The following CERKL variants were observed in gnomAD, a reference collection of about 807,000 sequenced individuals.
CERKL encodes the protein ceramide kinase-like protein.
In CERKL, 61 loss-of-function variants were observed where a neutral mutation model predicts 63.4. That is an observed-to-expected ratio of 0.96 (90% CI 0.78 to 1.19). The LOEUF (loss-of-function observed/expected upper bound fraction) is 1.19. Among genes scored for constraint, CERKL ranks in the 50% most tolerant of loss-of-function variants. The pLI is 0.00. For synonymous variants in CERKL, 250 were observed against 230.5 expected (o/e 1.08, Z -0.77); for missense variants, 675 against 655.5 (o/e 1.03, Z -0.33).
intron 2 of CERKL, 88 bp downstream of exon 2, chr2:181,603,749 A>G: frequency 3.0e-6 from 4 of 1,319,192 alleles, no homozygotes; most frequent in Middle Eastern, 1.8e-4. Flanking sequence ...CAACATCACT[A>G]AAGTTGTTTT....
intron 8 of CERKL, chr2:181,548,333 G>T: frequency 1.7e-6 from 1 of 584,714 alleles, no homozygotes; most frequent in Non-Finnish European, 3.0e-6. Context: ...GAGAGACAGG[G>T]GGAAGGAAGG....
intron 2 of CERKL, among the ~76,000 whole-genome samples, chr2:181,596,458 AAGGGTAG>A (rs1415630894): frequency 2.0e-5 from 3 of 152,130 alleles, no homozygotes; most frequent in Admixed American, 6.6e-5. Context: ...TTTTAGCTGA[AAGGGTAG>A]AGGTTATGAG....
chr2:181,597,046 G>C (rs1574483479), intron 2 of CERKL, among the ~76,000 whole-genome samples: 1 of 152,060 alleles, frequency 6.6e-6, no homozygotes, highest in East Asian at 1.9e-4. Context: ...GCTTTATTAT[G>C]TGGAGGTCTT....
chr2:181,585,016 G>A (rs1305609195), intron 2 of CERKL, among the ~76,000 whole-genome samples: 3 of 150,928 alleles, frequency 2.0e-5, no homozygotes, highest in Non-Finnish European at 2.9e-5. Context: ...TTCATATATC[G>A]ATATGGCTCT....
intron 11 of CERKL, among the ~76,000 whole-genome samples, chr2:181,541,334 G>A (rs1687494757): frequency 6.6e-6 from 1 of 152,296 alleles, no homozygotes; most frequent in South Asian, 2.1e-4. Flanking sequence ...ACATTGTCTT[G>A]CAGCTCTAGC....
chr2:181,575,035 C>T (rs939633327), intron 2 of CERKL, among the ~76,000 whole-genome samples: 2 of 152,282 alleles, frequency 1.3e-5, no homozygotes, highest in East Asian at 1.9e-4. Flanking sequence ...ACCTCAAAAC[C>T]GTGCTCAATG....
intron 1 of CERKL, among the ~76,000 whole-genome samples, chr2:181,625,274 G>A (rs1025769549): frequency 1.3e-5 from 2 of 152,066 alleles, no homozygotes; most frequent in Non-Finnish European, 2.9e-5. Context: ...TAGAGTGACA[G>A]GGGTCAAGTC....
intron 1 of CERKL, among the ~76,000 whole-genome samples, chr2:181,633,539 G>T (rs899359470): frequency 2.0e-4 from 30 of 152,292 alleles, no homozygotes; most frequent in African/African-American, 6.5e-4. Flanking sequence ...TGGAAAGGTA[G>T]TTTTGTTTGT....
chr2:181,638,431 C>A (rs563403066), intron 1 of CERKL, among the ~76,000 whole-genome samples: 1 of 152,190 alleles, frequency 6.6e-6, no homozygotes, highest in South Asian at 2.1e-4. Flanking sequence ...ACTCAGAAGT[C>A]AAGATGAAGG....
chr2:181,606,836 A>T (rs1685740308), intron 1 of CERKL, among the ~76,000 whole-genome samples: 1 of 152,136 alleles, frequency 6.6e-6, no homozygotes, highest in African/African-American at 2.4e-5. Context: ...TCAGAGTAAA[A>T]GTATTTTAGT....
intron 2 of CERKL, among the ~76,000 whole-genome samples, chr2:181,578,255 T>G (rs1316134281): frequency 2.3e-5 from 3 of 128,002 alleles, no homozygotes; most frequent in Admixed American, 8.2e-5. Flanking sequence ...TATATATGTG[T>G]GTGGGGGGGT....
intron 1 of CERKL, among the ~76,000 whole-genome samples, chr2:181,613,271 A>T (rs956076115): frequency 6.6e-6 from 1 of 152,166 alleles, no homozygotes; most frequent in African/African-American, 2.4e-5. Context: ...AATCTAGCCA[A>T]ATTTAAAACA....
chr2:181,650,122 G>T (rs1485524118), intron 1 of CERKL: 1 of 126,236 alleles, frequency 7.9e-6, no homozygotes, highest in Non-Finnish European at 1.6e-5. Context: ...AGGAAGGAAG[G>T]AAGGAAGGAA....
At chr2:181,651,913 T>TA (rs1553524758) in intron 1 of CERKL, among the ~76,000 whole-genome samples, 73 of 148,670 alleles carry the variant, frequency 4.9e-4, no homozygotes, top group Middle Eastern at 3.4e-3. Flanking sequence ...AGTACTTTTT[T>TA]AAAAAAAAAG....
intron 1 of CERKL, among the ~76,000 whole-genome samples, chr2:181,606,677 C>T (rs916719426): frequency 6.6e-6 from 1 of 151,928 alleles, no homozygotes; most frequent in South Asian, 2.1e-4. Context: ...TCTTAGAAGG[C>T]TCAAGTTTCA....
In CERKL at chr2:181,550,309, A is replaced by G. The variant is rs1687929599; in HGVS notation, c.821-601T>C. Among the ~76,000 whole-genome samples, 1 of 152,160 alleles carries G rather than the reference A, an allele frequency of 6.6e-6. No homozygotes were observed. The highest frequency in any genetic ancestry group is 2.4e-5 in the African/African-American group (1 of 41,446). ...GTATTTCCCATGTATGAAGATTTGT[A>G]TTTGAAACATTATGATTTCTGATTT... On this transcript the variant is annotated intron_variant, in intron 5 of 12. Coordinates refer to ENST00000410087, the MANE Select transcript of CERKL (RefSeq NM_201548.5). This position sits in a 1 kb window ranked among gnomAD's most constrained non-coding sequence, Gnocchi z 4.5.
chr2:181,555,083 T>C (rs933957365), intron 5 of CERKL, among the ~76,000 whole-genome samples: 15 of 152,148 alleles, frequency 9.9e-5, no homozygotes, highest in African/African-American at 3.6e-4. Flanking sequence ...GTGATAAAAC[T>C]AAATGCTATT....
rs1183022557 is a variant in CERKL at position 181,626,017 on chromosome 2, G to GGC, written c.239-21939_239-21938insGC. 2.0e-5 allele frequency among the ~76,000 whole-genome samples: 3 copies of GGC among 152,250 alleles called. No homozygotes were observed. In the East Asian group the frequency reaches 5.8e-4, roughly 29 times the overall value. On this transcript the variant is annotated intron_variant, in intron 1 of 12. Transcript: ENST00000410087. ...ACCATAAACTGGGTGCCATTATTAT[G>GGC]ATCCCATTTTACAGATTGTGAGGAA...
At chr2:181,597,312 A>C (rs1685260333) in intron 2 of CERKL, among the ~76,000 whole-genome samples, 1 of 152,244 alleles carries the variant, frequency 6.6e-6, no homozygotes, top group South Asian at 2.1e-4. Flanking sequence ...CAATCCTTTA[A>C]AGACTTAACC....
Sources: gnomAD v4.1 joint callset for allele counts (sites outside exome capture counted in the v4.1 genomes callset) on GRCh38, gnomAD v4.1.1 for gene constraint, Gnocchi (gnomAD v3.1) non-coding constraint, MANE v1.5 for transcripts, NCBI Gene and HGNC (gene_info 2026-07-23, HGNC 2026-07-21) for gene names.